Variants in ZNF713 observed in about 807,000 individuals in gnomAD.
ZNF713 encodes the protein zinc finger protein 713.
ZNF713 carries 21 observed loss-of-function variants against 28.7 expected under a neutral mutation model. The ratio of observed to expected loss-of-function variants is 0.73; its 90% confidence interval spans 0.52 to 1.05. The LOEUF is 1.05. ZNF713 is among the 50% of genes least tolerant of loss of function. The pLI, the probability that ZNF713 is intolerant of heterozygous loss-of-function variation, is 0.00. For synonymous variants in ZNF713, 167 were observed against 178.0 expected, an observed-to-expected ratio of 0.94 and a Z score of 0.49; for missense variants, 458 against 532.4, an observed-to-expected ratio of 0.86 and a Z score of 1.37.
chr7:55,935,128 A>G (rs948876735), intron 6 of ZNF713, among the ~76,000 whole-genome samples: 1 of 151,214 alleles, frequency 6.6e-6, no homozygotes, highest in African/African-American at 2.4e-5. Context: ...TGACCTCACG[A>G]TCCGCCCACC....
intron 1 of ZNF713, among the ~76,000 whole-genome samples, chr7:55,898,155 G>A (rs964312026): frequency 3.3e-5 from 5 of 152,140 alleles, no homozygotes; most frequent in African/African-American, 4.8e-5. Flanking sequence ...AACTCAGAAA[G>A]GAAAATGTTC....
chr7:55,899,611 G>T (rs2116182466), intron 1 of ZNF713, among the ~76,000 whole-genome samples: 1 of 151,868 alleles, frequency 6.6e-6, no homozygotes, highest in South Asian at 2.1e-4. Flanking sequence ...GGCAGAGGTT[G>T]CAGTGAGCTG....
intron 6 of ZNF713, among the ~76,000 whole-genome samples, chr7:55,935,980 A>C (rs1786337393): frequency 6.7e-6 from 1 of 149,462 alleles, no homozygotes; most frequent in East Asian, 2.0e-4. Context: ...AAGATCTGAG[A>C]GAGGCCAGGC....
intron 2 of ZNF713, among the ~76,000 whole-genome samples, chr7:55,907,635 AGT>A (rs1311824903): frequency 6.6e-6 from 1 of 152,016 alleles, no homozygotes; most frequent in African/African-American, 2.4e-5. Flanking sequence ...TGGAGTCTCC[AGT>A]GTCTGTTGTT....
At chr7:55,887,869 GGCGGCGGCGGC>G (rs1347522348) in intron 1 of ZNF713, among the ~76,000 whole-genome samples, 189 bp downstream of exon 1, 854 of 15,244 alleles carry the variant, frequency 0.056, 215 homozygotes, top group African/African-American at 0.13. Flanking sequence ...GGCGGGCGGC[GGCGGCGGCGGC>G]GGCGGCGGGC....
intron 1 of ZNF713, among the ~76,000 whole-genome samples, chr7:55,903,774 A>G (rs1025932354): frequency 3.9e-5 from 6 of 151,964 alleles, no homozygotes; most frequent in Admixed American, 6.6e-5. Flanking sequence ...AAAGGAGTAG[A>G]TATCATGGGG....
intron 1 of ZNF713, among the ~76,000 whole-genome samples, chr7:55,891,761 T>C (rs1341891158): frequency 6.6e-6 from 1 of 151,712 alleles, no homozygotes; most frequent in African/African-American, 2.4e-5. Context: ...AATTTTTATT[T>C]CACCCACACT....
At position 55,911,820 on chromosome 7, in the gene ZNF713, G is replaced by C. The variant is rs1785789557; in HGVS notation, c.-251G>C. On this transcript the variant is annotated 5_prime_UTR_variant, in exon 3 of 7. Coordinates refer to ENST00000429591, the MANE Select transcript of ZNF713 (RefSeq NM_182633.3). The stretch of plus-strand genomic sequence containing the variant: ...GCCCCTGGAAGCAGAAATTATTCTT[G>C]TGGCTATCCATTGGCTCCTGAGGCT... 1 of 152,178 alleles carries C rather than the reference G, an allele frequency of 6.6e-6. No homozygotes were observed. Among genetic ancestry groups the C allele is most frequent in the Non-Finnish European group, 1.5e-5 (1 of 68,040 alleles). 9.4% of individuals were successfully genotyped at this position (152,178 alleles called of 1,614,324 possible).
At chr7:55,927,342 A>G (rs1786115948) in intron 6 of ZNF713, among the ~76,000 whole-genome samples, 1 of 152,114 alleles carries the variant, frequency 6.6e-6, no homozygotes, top group Non-Finnish European at 1.5e-5. Flanking sequence ...CCTGGGCAAC[A>G]TAGTGAGACC....
chr7:55,928,531 T>A (rs1278240412), intron 6 of ZNF713, among the ~76,000 whole-genome samples: 1 of 151,910 alleles, frequency 6.6e-6, no homozygotes, highest in Non-Finnish European at 1.5e-5. Flanking sequence ...GAGTTGGAGA[T>A]TTCTTAACGT....
intron 6 of ZNF713, among the ~76,000 whole-genome samples, chr7:55,935,314 G>T (rs1010845552): frequency 2.0e-5 from 3 of 151,898 alleles, no homozygotes; most frequent in African/African-American, 7.3e-5. Flanking sequence ...TTTAACAGCA[G>T]GAGAAAAGAT....
intron 6 of ZNF713, among the ~76,000 whole-genome samples, chr7:55,937,414 A>C (rs1786374991): frequency 6.6e-6 from 1 of 152,146 alleles, no homozygotes. Flanking sequence ...AGAGGCAGAG[A>C]GACTCATTGG....
At chr7:55,930,271 A>C (rs1281603162) in intron 6 of ZNF713, among the ~76,000 whole-genome samples, 4 of 152,154 alleles carry the variant, frequency 2.6e-5, no homozygotes. Context: ...TTTCTTGCCT[A>C]CCATATTAGC....
At chr7:55,891,271 A>T (rs1457741092) in intron 1 of ZNF713, among the ~76,000 whole-genome samples, 1 of 152,188 alleles carries the variant, frequency 6.6e-6, no homozygotes, top group Non-Finnish European at 1.5e-5. Flanking sequence ...TGGTTATTTA[A>T]TAGAAGAATT....
At chr7:55,891,221 C>T (rs1011811294) in intron 1 of ZNF713, among the ~76,000 whole-genome samples, 3 of 151,924 alleles carry the variant, frequency 2.0e-5, no homozygotes, top group East Asian at 1.9e-4. Context: ...TAAATATGAA[C>T]GAAATTAAAG....
intron 1 of ZNF713, among the ~76,000 whole-genome samples, chr7:55,890,997 A>G (rs1192121039): frequency 6.7e-6 from 1 of 148,544 alleles, no homozygotes; most frequent in Non-Finnish European, 1.5e-5. Context: ...CTCTGTCTCA[A>G]AAAAAAAAAA....
At chr7:55,895,961 C>G (rs1416360387) in intron 1 of ZNF713, among the ~76,000 whole-genome samples, 2 of 152,084 alleles carry the variant, frequency 1.3e-5, no homozygotes, top group Non-Finnish European at 1.5e-5. Flanking sequence ...TATGGTTTGG[C>G]TGTGGAGTCA....
chr7:55,890,071 C>G (rs1283650513), intron 1 of ZNF713, among the ~76,000 whole-genome samples: 1 of 152,180 alleles, frequency 6.6e-6, no homozygotes, highest in Non-Finnish European at 1.5e-5. Context: ...GGCCTTTGCA[C>G]TGGGTGCATG....
chr7:55,890,063 C>A lies in ZNF713; in HGVS notation c.-583+2383C>A, dbSNP rs1785350597. On this transcript the variant is annotated intron_variant, in intron 1 of 6. Coordinates refer to ENST00000429591, the MANE Select transcript of ZNF713 (RefSeq NM_182633.3). ...ATCTCTCTGTGTCCTCTTCTGCTGG[C>A]CTTTGCACTGGGTGCATGCATTCCT... Among the ~76,000 whole-genome samples, 4 of 152,192 alleles carry A rather than the reference C, an allele frequency of 2.6e-5. No homozygotes were observed. The South Asian group carries it at 8.3e-4, about 31-fold the overall frequency.
Sources: allele counts gnomAD v4.1 joint callset (sites outside exome capture counted in the v4.1 genomes callset), GRCh38; gene constraint gnomAD v4.1.1; transcripts MANE v1.5; gene names NCBI Gene and HGNC (gene_info 2026-07-23, HGNC 2026-07-21).